NOD1: variants seen among roughly 807,000 people sequenced by gnomAD.
NOD1 encodes the protein nucleotide-binding oligomerization domain-containing protein 1.
A neutral mutation model predicts 81.2 loss-of-function variants in NOD1; 70 were observed. The ratio of observed to expected loss-of-function variants is 0.86; its 90% confidence interval spans 0.71 to 1.05. The LOEUF (loss-of-function observed/expected upper bound fraction) is 1.05, where lower values mean the gene tolerates loss of function less well. Among genes scored for constraint, NOD1 ranks in the 50% least tolerant of loss-of-function variants. The probability of loss-of-function intolerance (pLI) is 0.00; values close to 1 mark genes in which losing one functional copy is unlikely to be tolerated. For missense variants in NOD1, 1,233 were observed against 1,228.0 expected (o/e 1.00, Z -0.06); for synonymous variants, 508 against 526.9 (o/e 0.96, Z 0.49).
chr7:30,436,735 A>G (rs192723863), intron 10 of NOD1, among the ~76,000 whole-genome samples: 38 of 152,326 alleles, frequency 2.5e-4, no homozygotes, highest in African/African-American at 7.7e-4. Context: ...GGGGCTGGAA[A>G]TGTCCTCTGT....
rs1785844839 is a variant in NOD1, at chr7:30,452,408, C to T, written c.1009G>A (p.Glu337Lys). 4.3e-6 allele frequency: 7 copies of T among 1,613,268 alleles called. No individual in the cohort carries two copies. The highest frequency in any genetic ancestry group is 2.2e-5 in the South Asian group (2 of 91,088). The change falls in exon 6 of 14, where the codon GAG (glutamate) becomes AAG (lysine). Residue 337 changes from glutamate (E) to lysine (K), a missense_variant. Coordinates refer to ENST00000222823, the MANE Select transcript of NOD1 (RefSeq NM_006092.4). ...SKLLTARTGI[E>K]VPRQFLRKKV... is the part of the protein sequence containing the mutation. ...TTCCGCAGGAACTGGCGCGGGACCTCGATGCCTGTGCGGGCTGTGAGCAGC... is the reference window on the plus strand; with the variant it reads ...TTCCGCAGGAACTGGCGCGGGACCTTGATGCCTGTGCGGGCTGTGAGCAGC...
At chr7:30,453,385 C>T (rs904520091) in intron 5 of NOD1, among the ~76,000 whole-genome samples, 7 of 152,176 alleles carry the variant, frequency 4.6e-5, no homozygotes, top group Non-Finnish European at 7.3e-5. Flanking sequence ...CCCTCGCACT[C>T]GAGGGCCAGG....
chr7:30,456,998 G>A lies in NOD1; in HGVS notation c.-77C>T. ...GTCCTCTCAGCAGAAGGGCAATCAGGATTCAGGCCGCGCCCTCCAGGGCCC... is the reference window on the plus strand; with the variant it reads ...GTCCTCTCAGCAGAAGGGCAATCAGAATTCAGGCCGCGCCCTCCAGGGCCC... On this transcript the variant is annotated 5_prime_UTR_variant, in exon 4 of 14. Transcript: ENST00000222823. 2 of 1,265,490 alleles carry A rather than the reference G, an allele frequency of 1.6e-6. No individual in the cohort carries two copies. Among genetic ancestry groups the A allele is most frequent in the Admixed American group, 1.7e-5 (1 of 58,014 alleles). 78.4% of individuals were successfully genotyped at this position (1,265,490 alleles called of 1,614,324 possible). A position where few individuals can be genotyped will look rare whatever the true frequency, so the allele number is the denominator to read the frequency against.
At chr7:30,437,357 T>C (rs904202509) in intron 10 of NOD1, among the ~76,000 whole-genome samples, 10 of 152,172 alleles carry the variant, frequency 6.6e-5, no homozygotes, top group Non-Finnish European at 1.3e-4. Flanking sequence ...AACCTGCACA[T>C]CTTCTACATG....
At chr7:30,457,542 G>A (rs189763501) in intron 3 of NOD1, among the ~76,000 whole-genome samples, 1 of 152,284 alleles carries the variant, frequency 6.6e-6, no homozygotes, top group East Asian at 1.9e-4. Flanking sequence ...TAGGTGACCA[G>A]AGATAGCCAA....
intron 9 of NOD1, 42 bp downstream of exon 9, chr7:30,446,099 C>A: frequency 1.4e-6 from 2 of 1,462,058 alleles, no homozygotes; most frequent in Non-Finnish European, 1.9e-6. Context: ...CCCCCACACA[C>A]ACAGCAGGTT....
intron 9 of NOD1, among the ~76,000 whole-genome samples, chr7:30,445,725 C>G (rs1256789516): frequency 7.2e-6 from 1 of 138,976 alleles, no homozygotes; most frequent in Non-Finnish European, 1.5e-5. Context: ...TGCCACTGCA[C>G]TCCAGCCTGG....
chr7:30,449,680 G>A (rs1022657314), intron 6 of NOD1, among the ~76,000 whole-genome samples: 4 of 152,238 alleles, frequency 2.6e-5, no homozygotes, highest in African/African-American at 4.8e-5. Context: ...TTACATGAGA[G>A]AAATAAGCTT....
chr7:30,459,811 T>C (rs1786820995), intron 2 of NOD1, 90 bp downstream of exon 2: 1 of 152,654 alleles, frequency 6.6e-6, no homozygotes, highest in African/African-American at 2.4e-5. Context: ...CTCCATTCTT[T>C]AGAAAGCTGG....
chr7:30,449,867 C>T (rs1009883170), intron 6 of NOD1, among the ~76,000 whole-genome samples: 13 of 152,196 alleles, frequency 8.5e-5, no homozygotes, highest in African/African-American at 3.1e-4. Flanking sequence ...AGGGCAGGGC[C>T]ACCACACTGG....
chr7:30,474,801 T>C (rs1788612878), intron 1 of NOD1, among the ~76,000 whole-genome samples: 1 of 152,202 alleles, frequency 6.6e-6, no homozygotes, highest in Non-Finnish European at 1.5e-5. Context: ...CCAAAACCCA[T>C]TGTTTCTTCC....
chr7:30,477,738 C>T (rs1788937894), intron 1 of NOD1, among the ~76,000 whole-genome samples: 1 of 148,066 alleles, frequency 6.8e-6, no homozygotes, highest in South Asian at 2.1e-4. Flanking sequence ...CCAGGCTGGT[C>T]TCGAACTCTC....
rs902042037 is a variant in NOD1, at chr7:30,425,111, T to TGAA, written c.*524_*526dup. The TGAA allele has an allele frequency of 1.9e-5, 3 of 154,654 alleles. No individual in the cohort carries two copies. Among genetic ancestry groups the TGAA allele is most frequent in the African/African-American group, 7.2e-5 (3 of 41,452 alleles). The allele number at this position is 154,654 out of a possible 1,614,324, so 9.6% of individuals were successfully genotyped here. A position where few individuals can be genotyped will look rare whatever the true frequency, so the allele number is the denominator to read the frequency against. ...GCACATACTCCGGTGTCTCCAGCTG[T>TGAA]GAAGTGGGACCAGTATCAATACATG... is the stretch of plus-strand genomic sequence containing the variant. On this transcript the variant is annotated 3_prime_UTR_variant, in exon 14 of 14. Coordinates refer to ENST00000222823, the MANE Select transcript of NOD1 (RefSeq NM_006092.4).
rs376828101 is a variant in NOD1, at chr7:30,475,202, G to A, written c.-352+3404C>T. Among the ~76,000 whole-genome samples, 14 of 152,294 alleles carry A rather than the reference G, an allele frequency of 9.2e-5. 1 individual carries two copies. The highest frequency in any genetic ancestry group is 3.4e-4 in the African/African-American group (14 of 41,554). On this transcript the variant is annotated intron_variant, in intron 1 of 13. Transcript: ENST00000222823. ...TTCCTTAGCAATATGTGACTGCCAGGCCCAGTTGCATGTGGCTCTGAAAAT... is the reference window on the plus strand; with the variant it reads ...TTCCTTAGCAATATGTGACTGCCAGACCCAGTTGCATGTGGCTCTGAAAAT...
chr7:30,427,749 A>G (rs1415044356), intron 13 of NOD1, among the ~76,000 whole-genome samples: 3 of 152,216 alleles, frequency 2.0e-5, no homozygotes, highest in Non-Finnish European at 4.4e-5. Context: ...CTCAAGAGGG[A>G]AGCAATGCAG....
chr7:30,448,297 C>T lies in NOD1; in HGVS notation c.2285+1G>A, dbSNP rs1408926108. On this transcript the variant is annotated splice_donor_variant, in intron 7 of 13. Transcript: ENST00000222823. LOFTEE classifies it high-confidence loss of function. Reference sequence around the variant, plus strand: ...GCCCAGTGTTCTGGAGAAAGACATACCCCAAATAGGTCACAATTTTGTATT... The same window carrying T: ...GCCCAGTGTTCTGGAGAAAGACATATCCCAAATAGGTCACAATTTTGTATT... 1 of 1,611,670 alleles carries T rather than the reference C, an allele frequency of 6.2e-7. No homozygotes were observed.
chr7:30,460,174 T>G, intron 1 of NOD1, 133 bp from the exon 2 acceptor site: 1 of 896,450 alleles, frequency 1.1e-6, no homozygotes, highest in Non-Finnish European at 1.3e-6. Flanking sequence ...AAGGTATGGA[T>G]GTTGGAAGGG....
At chr7:30,425,787 C>A in intron 13 of NOD1, 77 bp from the exon 14 acceptor site, 2 of 946,788 alleles carry the variant, frequency 2.1e-6, no homozygotes, top group Non-Finnish European at 3.5e-6. Flanking sequence ...AAGGTGTGTT[C>A]ATAGCACACA....
intron 7 of NOD1, 85 bp from the exon 8 acceptor site, chr7:30,447,135 C>A: frequency 6.2e-7 from 1 of 1,605,924 alleles, no homozygotes; most frequent in African/African-American, 1.3e-5. Flanking sequence ...ATGGTGTCTA[C>A]TGATTTCCAA....
Sources: gnomAD v4.1 joint callset for allele counts (sites outside exome capture counted in the v4.1 genomes callset) on GRCh38, gnomAD v4.1.1 for gene constraint, MANE v1.5 for transcripts, NCBI Gene and HGNC (gene_info 2026-07-23, HGNC 2026-07-21) for gene names.